NAALADL2: variants seen among roughly 807,000 people sequenced by gnomAD.
The protein encoded by NAALADL2 is N-acetylated alpha-linked acidic dipeptidase like 2.
Under a neutral mutation model 87.2 loss-of-function variants are expected in NAALADL2, and 76 were observed. That is an observed-to-expected ratio of 0.87 (90% CI 0.72 to 1.05). The LOEUF (loss-of-function observed/expected upper bound fraction) is 1.05, where lower values mean the gene tolerates loss of function less well. Ranked by LOEUF, NAALADL2 falls within the 50% of genes least tolerant of loss-of-function variation. NAALADL2 has a pLI of 0.00. For synonymous variants in NAALADL2, 354 were observed against 331.0 expected (o/e 1.07, Z -0.75); for missense variants, 1,089 against 945.8 (o/e 1.15, Z -1.99).
chr3:174,714,482 A>AGT (rs1730992886), intron 2 of NAALADL2, among the ~76,000 whole-genome samples: 1 of 152,132 alleles, frequency 6.6e-6, no homozygotes, highest in East Asian at 1.9e-4. Flanking sequence ...TTCATTGAGC[A>AGT]GTGGTTTGTA....
chr3:174,479,624 A>G (rs184747877), intron 1 of NAALADL2, among the ~76,000 whole-genome samples: 3 of 152,230 alleles, frequency 2.0e-5, no homozygotes, highest in Admixed American at 2.0e-4. Flanking sequence ...ACTGACTAGT[A>G]TATGCGATTG....
At chr3:175,266,343 A>G (rs1046217092) in intron 4 of NAALADL2, among the ~76,000 whole-genome samples, 1 of 149,742 alleles carries the variant, frequency 6.7e-6, no homozygotes, top group African/African-American at 2.5e-5. Flanking sequence ...TACATTTTAA[A>G]TCAATTTTTT....
At chr3:175,670,417 A>AATGT in intron 11 of NAALADL2, among the ~76,000 whole-genome samples, 1 of 146,430 alleles carries the variant, frequency 6.8e-6, no homozygotes, top group Admixed American at 6.8e-5. Context: ...CATTAAATGT[A>AATGT]AATTTAATAT....
chr3:175,538,494 C>T (rs1459355498), intron 9 of NAALADL2, among the ~76,000 whole-genome samples: 1 of 151,922 alleles, frequency 6.6e-6, no homozygotes, highest in African/African-American at 2.4e-5. Flanking sequence ...ATATGAGCCC[C>T]ATAGAATAGG....
intron 4 of NAALADL2, among the ~76,000 whole-genome samples, chr3:175,313,164 A>T (rs1169571789): frequency 2.6e-5 from 4 of 152,054 alleles, no homozygotes; most frequent in African/African-American, 9.7e-5. Flanking sequence ...TACCTGAGTC[A>T]TATTGCATTA....
chr3:175,574,027 T>G (rs1308061518), intron 9 of NAALADL2, among the ~76,000 whole-genome samples: 2 of 152,230 alleles, frequency 1.3e-5, no homozygotes, highest in Non-Finnish European at 2.9e-5. Flanking sequence ...ATGTTTAACT[T>G]TGTTGCAAAG....
intron 11 of NAALADL2, among the ~76,000 whole-genome samples, chr3:175,695,121 G>T (rs968819285): frequency 1.4e-5 from 2 of 147,980 alleles, no homozygotes; most frequent in Admixed American, 1.4e-4. Context: ...TAAATAAAAT[G>T]CATCCTTGCA....
At chr3:175,790,846 A>G (rs1427438920) in intron 13 of NAALADL2, among the ~76,000 whole-genome samples, 1 of 152,236 alleles carries the variant, frequency 6.6e-6, no homozygotes, top group South Asian at 2.1e-4. Context: ...CATTATTTAC[A>G]TAATGCTAAT....
intron 2 of NAALADL2, among the ~76,000 whole-genome samples, chr3:175,110,903 TA>T (rs1303400397): frequency 1.3e-5 from 2 of 151,666 alleles, no homozygotes; most frequent in Admixed American, 1.3e-4. Context: ...GAAAATGAAT[TA>T]AAGTTGTTTT....
At chr3:175,166,101 C>T (rs1733967672) in intron 2 of NAALADL2, among the ~76,000 whole-genome samples, 1 of 150,932 alleles carries the variant, frequency 6.6e-6, no homozygotes, top group Admixed American at 6.6e-5. Flanking sequence ...AAAAACTTAC[C>T]TAGTATATAT....
chr3:175,474,303 T>G (rs10155035), intron 9 of NAALADL2, among the ~76,000 whole-genome samples: 121,633 of 152,120 alleles, frequency 0.8, 48,719 homozygotes, highest in East Asian at 0.9. Flanking sequence ...TAAAGTATTA[T>G]TATGAAATAC....
At chr3:174,468,887 C>T (rs1716710734) in intron 1 of NAALADL2, among the ~76,000 whole-genome samples, 1 of 150,662 alleles carries the variant, frequency 6.6e-6, no homozygotes, top group Non-Finnish European at 1.5e-5. Context: ...CTTAGCCTTC[C>T]GAGTAGCTGG....
chr3:175,142,545 A>G (rs1367958299), intron 2 of NAALADL2, among the ~76,000 whole-genome samples: 2 of 152,024 alleles, frequency 1.3e-5, no homozygotes, highest in African/African-American at 4.8e-5. Flanking sequence ...CAGGACTCAG[A>G]TTTAAACCCA....
At chr3:175,188,262 A>G (rs548061860) in intron 2 of NAALADL2, among the ~76,000 whole-genome samples, 1 of 152,282 alleles carries the variant, frequency 6.6e-6, no homozygotes, top group East Asian at 1.9e-4. Context: ...AGATCTTAAA[A>G]TACAAATTGT....
At chr3:174,686,451 A>G (rs1157955623) in intron 2 of NAALADL2, among the ~76,000 whole-genome samples, 1 of 149,830 alleles carries the variant, frequency 6.7e-6, no homozygotes, top group Non-Finnish European at 1.5e-5. Context: ...CATTTCTTTG[A>G]TGACTGGTGA....
At chr3:175,432,877 AACTT>A (rs1426219756) in intron 5 of NAALADL2, among the ~76,000 whole-genome samples, 1 of 152,036 alleles carries the variant, frequency 6.6e-6, no homozygotes, top group East Asian at 1.9e-4. Flanking sequence ...ATTCATCAGC[AACTT>A]ACTTTTATTG....
intron 3 of NAALADL2, among the ~76,000 whole-genome samples, chr3:174,794,178 A>G (rs1245491716): frequency 1.3e-5 from 2 of 152,058 alleles, no homozygotes; most frequent in Admixed American, 6.6e-5. Context: ...ACTTTTAAAT[A>G]TATTTAGTGT....
intron 11 of NAALADL2, among the ~76,000 whole-genome samples, chr3:175,700,375 C>T (rs1224927592): frequency 6.6e-6 from 1 of 151,946 alleles, no homozygotes; most frequent in Non-Finnish European, 1.5e-5. Flanking sequence ...GATGATAAAA[C>T]CTTATATATT....
At chr3:174,842,072 A>G (rs1208715562) in intron 3 of NAALADL2, among the ~76,000 whole-genome samples, 1 of 146,656 alleles carries the variant, frequency 6.8e-6, no homozygotes, top group Non-Finnish European at 1.5e-5. Context: ...TTTTTTTGAG[A>G]CAGAGTTTCA....
Sources: allele counts gnomAD v4.1 joint callset (sites outside exome capture counted in the v4.1 genomes callset), GRCh38; gene constraint gnomAD v4.1.1; transcripts MANE v1.5; gene names NCBI Gene and HGNC (gene_info 2026-07-23, HGNC 2026-07-21).